Variants in ANKRD31 observed in about 807,000 individuals in gnomAD.
The protein encoded by ANKRD31 is ankyrin repeat domain 31.
ANKRD31 carries 147 observed loss-of-function variants against 186.0 expected under a neutral mutation model. The ratio of observed to expected loss-of-function variants is 0.79; its 90% CI spans 0.69 to 0.91. The LOEUF is 0.91. Ranked by LOEUF, ANKRD31 falls within the 40% of genes least tolerant of loss-of-function variation. The pLI, the probability that ANKRD31 is intolerant of heterozygous loss-of-function variation, is 0.00. For missense variants in ANKRD31, 1,986 were observed against 2,148.8 expected (o/e 0.92, Z 1.50); for synonymous variants, 673 against 736.4 (o/e 0.91, Z 1.39).
rs1751446260 is a variant in ANKRD31, at chr5:75,146,457, T to C, written c.2954A>G (p.His985Arg). Residue 985 changes from histidine (H) to arginine (R), a missense_variant, in exon 14 of 26, where the codon CAT becomes CGT. Transcript: ENST00000506364. Reference protein sequence around the residue: ...SYSDNAVISEHVANYEQCIFG... With the variant: ...SYSDNAVISERVANYEQCIFG... ...TATGCATTGTTCATAATTTGCAACATGTTCAGAAATAACTGCATTATCTGA... is the reference window on the plus strand; with the variant it reads ...TATGCATTGTTCATAATTTGCAACACGTTCAGAAATAACTGCATTATCTGA... The C allele has an allele frequency of 6.5e-7, 1 of 1,536,522 alleles. No individual in the cohort carries two copies. Among genetic ancestry groups the C allele is most frequent in the Non-Finnish European group, 8.7e-7 (1 of 1,146,478 alleles).
chr5:75,208,904 T>A (rs1458624745), intron 4 of ANKRD31, among the ~76,000 whole-genome samples: 1 of 152,226 alleles, frequency 6.6e-6, no homozygotes, highest in Non-Finnish European at 1.5e-5. Flanking sequence ...GTAACCACAC[T>A]CCTGTGATTT....
chr5:75,225,085 T>C (rs1266849035), intron 2 of ANKRD31, among the ~76,000 whole-genome samples: 2 of 152,150 alleles, frequency 1.3e-5, no homozygotes, highest in Non-Finnish European at 1.5e-5. Flanking sequence ...GACTGAATTA[T>C]TTGCTGCGTT....
At chr5:75,199,243 G>A (rs969047138) in intron 6 of ANKRD31, among the ~76,000 whole-genome samples, 1 of 152,092 alleles carries the variant, frequency 6.6e-6, no homozygotes, top group African/African-American at 2.4e-5. Flanking sequence ...CATCCCTGAG[G>A]AAAGCGTGAG....
chr5:75,139,260 C>G (rs969754040), intron 15 of ANKRD31, among the ~76,000 whole-genome samples: 4 of 151,854 alleles, frequency 2.6e-5, no homozygotes, highest in Non-Finnish European at 4.4e-5. Context: ...CTATACTCAT[C>G]TAATTCTCAG....
At chr5:75,099,390 CTCTT>C (rs1746619763) in intron 22 of ANKRD31, among the ~76,000 whole-genome samples, 1 of 152,118 alleles carries the variant, frequency 6.6e-6, no homozygotes, top group South Asian at 2.1e-4. Context: ...GTCTAAAATT[CTCTT>C]TTTTTGTTGT....
chr5:75,177,902 A>G (rs1196889670), intron 10 of ANKRD31, among the ~76,000 whole-genome samples: 4 of 152,222 alleles, frequency 2.6e-5, no homozygotes, highest in African/African-American at 4.8e-5. Context: ...TTAAATGTAA[A>G]TGGGCTAAAT....
chr5:75,107,665 T>C, intron 20 of ANKRD31, 48 bp from the exon 21 acceptor site: 1 of 1,118,696 alleles, frequency 8.9e-7, no homozygotes, highest in Non-Finnish European at 1.3e-6. Context: ...AGAGTGAATG[T>C]CAAATTTGGT....
At chr5:75,139,726 CT>C (rs1207888891) in intron 15 of ANKRD31, among the ~76,000 whole-genome samples, 3 of 152,134 alleles carry the variant, frequency 2.0e-5, no homozygotes, top group Non-Finnish European at 4.4e-5. Context: ...ACACAAGTGC[CT>C]GCAAAGGGAA....
At chr5:75,208,560 A>T (rs1756402939) in intron 4 of ANKRD31, among the ~76,000 whole-genome samples, 1 of 152,208 alleles carries the variant, frequency 6.6e-6, no homozygotes, top group Non-Finnish European at 1.5e-5. Flanking sequence ...AATCTCATTA[A>T]ACAACCAGGA....
At chr5:75,189,039 A>T (rs1754925529) in intron 9 of ANKRD31, among the ~76,000 whole-genome samples, 1 of 152,148 alleles carries the variant, frequency 6.6e-6, no homozygotes, top group South Asian at 2.1e-4. Flanking sequence ...ATAAAATGTT[A>T]TATTACCAAA....
intron 12 of ANKRD31, among the ~76,000 whole-genome samples, chr5:75,149,221 C>T (rs1751692490): frequency 6.6e-6 from 1 of 151,768 alleles, no homozygotes; most frequent in African/African-American, 2.4e-5. Context: ...TTAAAGTTAA[C>T]TATATATGCA....
chr5:75,085,793 T>C (rs574369947), intron 23 of ANKRD31, among the ~76,000 whole-genome samples: 1 of 152,188 alleles, frequency 6.6e-6, no homozygotes, highest in South Asian at 2.1e-4. Flanking sequence ...TAAATTGTTA[T>C]GAGGATTAAA....
intron 10 of ANKRD31, among the ~76,000 whole-genome samples, chr5:75,179,103 C>G (rs1162085619): frequency 6.6e-6 from 1 of 151,822 alleles, no homozygotes; most frequent in Non-Finnish European, 1.5e-5. Context: ...ATACTATAAA[C>G]ACCTCTATGC....
intron 13 of ANKRD31, 88 bp from the exon 14 acceptor site, chr5:75,147,593 T>C (rs1241820026): frequency 2.1e-6 from 2 of 953,882 alleles, no homozygotes; most frequent in Non-Finnish European, 2.9e-6. Flanking sequence ...TCAACTATTA[T>C]TTGATTCAAA....
chr5:75,074,547 A>C (rs181346907), intron 25 of ANKRD31, among the ~76,000 whole-genome samples: 60 of 152,336 alleles, frequency 3.9e-4, no homozygotes, highest in Non-Finnish European at 7.3e-5. Context: ...AAAAACACAC[A>C]CATAGAGAAA....
rs549091648 is a variant in ANKRD31 at position 75,178,874 on chromosome 5, T to C, written c.1564+9619A>G. On this transcript the variant is annotated intron_variant, in intron 10 of 25. Transcript: ENST00000506364. ...TCAAAAGCTAGCAGAAGGCAAGAAA[T>C]AACTAAGATCAGAGCAGAACTGAAG... is the stretch of plus-strand genomic sequence containing the variant. Among the ~76,000 whole-genome samples, 4 of 151,982 alleles carry C rather than the reference T, an allele frequency of 2.6e-5. No homozygotes were observed. In the South Asian group the frequency reaches 6.2e-4, roughly 24 times the overall value.
intron 1 of ANKRD31, among the ~76,000 whole-genome samples, chr5:75,232,995 C>T (rs1758041548): frequency 6.6e-6 from 1 of 152,116 alleles, no homozygotes; most frequent in Admixed American, 6.5e-5. Context: ...TTTTCCACAA[C>T]TGCCTCTCTT....
intron 17 of ANKRD31, among the ~76,000 whole-genome samples, chr5:75,131,363 T>C (rs749006118): frequency 3.3e-5 from 5 of 151,988 alleles, no homozygotes; most frequent in African/African-American, 1.2e-4. Context: ...GGAGATTATA[T>C]CCTGTGCATG....
rs199960460 is a variant in ANKRD31 at position 75,192,666 on chromosome 5, C to T, written c.1408+1G>A. On this transcript the variant is annotated splice_donor_variant, in intron 9 of 25. Transcript: ENST00000506364. LOFTEE classifies it high-confidence loss of function. ...AGAAAAATACTCAAAATATGCATCA[C>T]CTTTTTTTCCTGAAAATTGTTCATT... 42 of 1,518,206 alleles carry T rather than the reference C, an allele frequency of 2.8e-5. No homozygotes were observed. Among genetic ancestry groups the T allele is most frequent in the Non-Finnish European group, 3.1e-5 (35 of 1,132,742 alleles). 94.0% of individuals were successfully genotyped at this position (1,518,206 alleles called of 1,614,324 possible).
Sources: allele counts gnomAD v4.1 joint callset (sites outside exome capture counted in the v4.1 genomes callset), GRCh38; gene constraint gnomAD v4.1.1; transcripts MANE v1.5; gene names NCBI Gene and HGNC (gene_info 2026-07-23, HGNC 2026-07-21).